The following MYRIP variants were observed in gnomAD, a reference collection of about 807,000 sequenced individuals.
MYRIP encodes myosin VIIA and Rab interacting protein, also known as rab effector MyRIP.
MYRIP carries 49 observed loss-of-function variants against 98.0 expected under a neutral mutation model. That is an observed-to-expected ratio of 0.50 (90% CI 0.40 to 0.63). The LOEUF (loss-of-function observed/expected upper bound fraction) is 0.63. Among genes scored for constraint, MYRIP ranks in the 30% least tolerant of loss-of-function variants. MYRIP has a pLI of 0.00. For synonymous variants in MYRIP, 404 were observed against 409.5 expected, an observed-to-expected ratio of 0.99 and a Z score of 0.16; for missense variants, 1,004 against 1,058.2, an observed-to-expected ratio of 0.95 and a Z score of 0.71.
At chr3:40,204,949 C>G (rs1378079845) in intron 10 of MYRIP, among the ~76,000 whole-genome samples, 1 of 152,200 alleles carries the variant, frequency 6.6e-6, no homozygotes, top group Non-Finnish European at 1.5e-5. Context: ...CAGAGTGGCT[C>G]TCACACATGT....
intron 12 of MYRIP, among the ~76,000 whole-genome samples, chr3:40,240,479 G>A (rs1019654158): frequency 3.9e-5 from 6 of 152,156 alleles, no homozygotes; most frequent in African/African-American, 1.4e-4. Context: ...GCCTCACTCG[G>A]GAAGCGCAAG....
intron 8 of MYRIP, among the ~76,000 whole-genome samples, chr3:40,176,843 A>G (rs2125607965): frequency 6.8e-6 from 1 of 146,488 alleles, no homozygotes; most frequent in African/African-American, 2.5e-5. Context: ...CAGGAGGCAG[A>G]GGTTGCAATG....
At chr3:40,158,924 C>T (rs549824124) in intron 4 of MYRIP, among the ~76,000 whole-genome samples, 19 of 152,160 alleles carry the variant, frequency 1.2e-4, no homozygotes, top group African/African-American at 4.6e-4. Flanking sequence ...GAATACAGCA[C>T]ACTGATGGGT....
chr3:40,219,145 T>C (rs2125680957), intron 11 of MYRIP, among the ~76,000 whole-genome samples: 1 of 152,288 alleles, frequency 6.6e-6, no homozygotes, highest in South Asian at 2.1e-4. Flanking sequence ...ATTAGATTCA[T>C]ACATCATACT....
At chr3:40,105,425 G>A (rs1949032950) in intron 3 of MYRIP, among the ~76,000 whole-genome samples, 2 of 152,172 alleles carry the variant, frequency 1.3e-5, no homozygotes, top group Admixed American at 1.3e-4. Flanking sequence ...GGCTGTACAG[G>A]AAGCATGGTG....
chr3:39,834,139 G>T lies in MYRIP; in HGVS notation c.-31+24223G>T, dbSNP rs548984705. Among the ~76,000 whole-genome samples the T allele has an allele frequency of 2.6e-5, 4 of 152,328 alleles. No homozygotes were observed. In the South Asian group the frequency reaches 8.3e-4, roughly 32 times the overall value. ...AAAACAACCTTCCCAGCCTTTGGTAGTCCCTCTCAAATTGCTGGGCCACTT... is the reference window on the plus strand; with the variant it reads ...AAAACAACCTTCCCAGCCTTTGGTATTCCCTCTCAAATTGCTGGGCCACTT... On this transcript the variant is annotated intron_variant, in intron 1 of 16. Coordinates refer to ENST00000302541, the MANE Select transcript of MYRIP (RefSeq NM_015460.4).
intron 12 of MYRIP, among the ~76,000 whole-genome samples, chr3:40,238,996 C>A (rs1482881794): frequency 6.6e-6 from 1 of 151,310 alleles, no homozygotes; most frequent in African/African-American, 2.4e-5. Flanking sequence ...CATGCTGGTG[C>A]GCTGCACCCA....
chr3:40,156,057 A>T (rs544322063), intron 4 of MYRIP, among the ~76,000 whole-genome samples: 6 of 152,116 alleles, frequency 3.9e-5, no homozygotes, highest in African/African-American at 1.4e-4. Context: ...TTAGACATGA[A>T]GTCCTTGCCC....
chr3:39,886,175 G>C (rs1177840291), intron 1 of MYRIP, among the ~76,000 whole-genome samples: 1 of 151,588 alleles, frequency 6.6e-6, no homozygotes, highest in Middle Eastern at 3.2e-3. Flanking sequence ...CCCTAAAAGA[G>C]CTCCTGAAGG....
chr3:39,984,820 T>C (rs1430115597), intron 2 of MYRIP, among the ~76,000 whole-genome samples: 1 of 151,984 alleles, frequency 6.6e-6, no homozygotes, highest in African/African-American at 2.4e-5. Context: ...CCACAATGGT[T>C]GAACTAGTTT....
chr3:40,095,193 A>C (rs1948802934), intron 3 of MYRIP, among the ~76,000 whole-genome samples: 1 of 152,168 alleles, frequency 6.6e-6, no homozygotes, highest in African/African-American at 2.4e-5. Flanking sequence ...GCTTTCCACT[A>C]CAATCTCCTT....
At chr3:40,228,235 T>G (rs1257303601) in intron 11 of MYRIP, among the ~76,000 whole-genome samples, 3 of 152,238 alleles carry the variant, frequency 2.0e-5, no homozygotes, top group African/African-American at 7.2e-5. Flanking sequence ...CAAGGGCCAC[T>G]GTGTGGCTTT....
chr3:39,973,700 A>ATC (rs377158039), intron 2 of MYRIP, among the ~76,000 whole-genome samples: 76,386 of 151,536 alleles, frequency 0.5, 20,968 homozygotes, highest in African/African-American at 0.75. Flanking sequence ...ATAACAAACT[A>ATC]TCTCAGACCG....
At chr3:39,889,228 A>G (rs1033390906) in intron 1 of MYRIP, among the ~76,000 whole-genome samples, 30 of 152,220 alleles carry the variant, frequency 2.0e-4, no homozygotes, top group African/African-American at 7.0e-4. Context: ...ACACATGCAC[A>G]CGTATGTTTA....
intron 11 of MYRIP, among the ~76,000 whole-genome samples, chr3:40,221,335 A>C (rs1356678129): frequency 2.6e-5 from 4 of 152,188 alleles, no homozygotes; most frequent in Non-Finnish European, 5.9e-5. Flanking sequence ...TGCCTAATAA[A>C]TTGGATGGTT....
At chr3:40,133,407 A>G (rs1374054821) in intron 3 of MYRIP, among the ~76,000 whole-genome samples, 1 of 152,128 alleles carries the variant, frequency 6.6e-6, no homozygotes, top group Admixed American at 6.6e-5. Context: ...CATGGGACCA[A>G]TCATGGGCCC....
At chr3:40,144,702 A>C (rs1282494950) in intron 3 of MYRIP, among the ~76,000 whole-genome samples, 1 of 152,212 alleles carries the variant, frequency 6.6e-6, no homozygotes, top group Admixed American at 6.5e-5. Flanking sequence ...GGCTTTCTGT[A>C]TTTCCTTTAT....
intron 2 of MYRIP, among the ~76,000 whole-genome samples, chr3:39,966,922 G>A (rs1466939611): frequency 6.6e-6 from 1 of 152,102 alleles, no homozygotes; most frequent in Non-Finnish European, 1.5e-5. Flanking sequence ...AATGGAGAGT[G>A]GACCCAGAAG....
At chr3:39,960,974 T>C (rs921181212) in intron 2 of MYRIP, among the ~76,000 whole-genome samples, 2 of 152,158 alleles carry the variant, frequency 1.3e-5, no homozygotes, top group Admixed American at 6.6e-5. Flanking sequence ...GCTCTTTTAA[T>C]GTCATGCCGA....
Sources: gnomAD v4.1 joint callset for allele counts (sites outside exome capture counted in the v4.1 genomes callset) on GRCh38, gnomAD v4.1.1 for gene constraint, MANE v1.5 for transcripts, NCBI Gene and HGNC (gene_info 2026-07-23, HGNC 2026-07-21) for gene names.